FMNL2: variants seen among roughly 807,000 people sequenced by gnomAD.
FMNL2 encodes formin like 2, also known as formin-like protein 2.
FMNL2 carries 51 observed loss-of-function variants against 130.2 expected under a neutral mutation model. The observed-to-expected ratio is 0.39, with a 90% CI of 0.31 to 0.49. The LOEUF is 0.49. Ranked by LOEUF, FMNL2 falls within the 20% of genes least tolerant of loss-of-function variation. The probability of loss-of-function intolerance (pLI) is 0.85; values close to 1 mark genes in which losing one functional copy is unlikely to be tolerated. For synonymous variants in FMNL2, 465 were observed against 467.1 expected (o/e 1.00, Z 0.06); for missense variants, 977 against 1,316.2 (o/e 0.74, Z 3.99).
intron 21 of FMNL2, among the ~76,000 whole-genome samples, chr2:152,634,262 G>A (rs563789635): frequency 3.3e-5 from 5 of 151,936 alleles, no homozygotes; most frequent in African/African-American, 9.6e-5. Flanking sequence ...GCGAAACCCT[G>A]TCTCTACTAA....
chr2:152,549,171 G>T (rs1250291281), intron 4 of FMNL2, 74 bp downstream of exon 4: 6 of 1,024,622 alleles, frequency 5.9e-6, no homozygotes, highest in African/African-American at 4.9e-5. Context: ...CATACCCAAA[G>T]AATTGAGCTT....
At chr2:152,557,816 G>T (rs1695309207) in intron 4 of FMNL2, among the ~76,000 whole-genome samples, 1 of 152,200 alleles carries the variant, frequency 6.6e-6, no homozygotes, top group Admixed American at 6.5e-5. Context: ...TGGAATGCAG[G>T]TGGCAGATGT....
At chr2:152,426,449 T>C (rs1034930359) in intron 1 of FMNL2, among the ~76,000 whole-genome samples, 33 of 152,242 alleles carry the variant, frequency 2.2e-4, no homozygotes, top group Non-Finnish European at 1.3e-4. Context: ...GCAGGAGCCA[T>C]GTGGCAGTGC....
At chr2:152,575,049 T>A in intron 6 of FMNL2, 87 bp from the exon 7 acceptor site, 1 of 681,764 alleles carries the variant, frequency 1.5e-6, no homozygotes, top group East Asian at 2.8e-5. Context: ...GTTTTGGTAC[T>A]GGTGAAGAGT....
chr2:152,478,248 AT>A (rs1690275493), intron 1 of FMNL2, among the ~76,000 whole-genome samples: 2 of 75,772 alleles, frequency 2.6e-5, no homozygotes, highest in Non-Finnish European at 5.6e-5. Flanking sequence ...ATATATATAT[AT>A]ATTTTTTTTT....
At chr2:152,623,406 G>A (rs1681506041) in intron 15 of FMNL2, among the ~76,000 whole-genome samples, 1 of 152,214 alleles carries the variant, frequency 6.6e-6, no homozygotes, top group Non-Finnish European at 1.5e-5. Flanking sequence ...CTGACACTGT[G>A]GCGTAGTGGG....
chr2:152,370,145 G>A (rs983432222), intron 1 of FMNL2, among the ~76,000 whole-genome samples: 7 of 150,448 alleles, frequency 4.7e-5, no homozygotes, highest in Non-Finnish European at 8.9e-5. Flanking sequence ...TAGTGTAGAT[G>A]AAGTGGCTTG....
At chr2:152,390,498 G>T (rs1243702138) in intron 1 of FMNL2, 1 of 1,545,156 alleles carries the variant, frequency 6.5e-7, no homozygotes, top group African/African-American at 1.4e-5. Context: ...TCGCAGCATG[G>T]TGGAAAAGAT....
chr2:152,481,415 A>G (rs1013294106), intron 1 of FMNL2, among the ~76,000 whole-genome samples: 1 of 152,234 alleles, frequency 6.6e-6, no homozygotes. Flanking sequence ...AGCACTTTCA[A>G]CAGCCAAAAA....
chr2:152,448,991 T>C (rs1044162974), intron 1 of FMNL2, among the ~76,000 whole-genome samples: 6 of 152,220 alleles, frequency 3.9e-5, no homozygotes, highest in Non-Finnish European at 8.8e-5. Context: ...AAAGCCATGT[T>C]GAAGCCTCTA....
intron 21 of FMNL2, among the ~76,000 whole-genome samples, chr2:152,633,745 A>G (rs921600518): frequency 1.1e-4 from 17 of 152,228 alleles, no homozygotes; most frequent in African/African-American, 4.1e-4. Flanking sequence ...AATTAAGAAA[A>G]ATGTTAAAAA....
At chr2:152,488,876 G>C (rs1328527769) in intron 1 of FMNL2, among the ~76,000 whole-genome samples, 1 of 152,082 alleles carries the variant, frequency 6.6e-6, no homozygotes, top group Non-Finnish European at 1.5e-5. Flanking sequence ...CTAGGAGTTT[G>C]AGACCAGTCT....
intron 1 of FMNL2, among the ~76,000 whole-genome samples, chr2:152,405,651 A>G (rs1376767873): frequency 6.6e-6 from 1 of 152,164 alleles, no homozygotes; most frequent in Admixed American, 6.5e-5. Flanking sequence ...CTAGAGACCA[A>G]CTGGTCCAAC....
chr2:152,611,651 T>C (rs756500616), intron 11 of FMNL2, 46 bp downstream of exon 11: 3 of 1,246,556 alleles, frequency 2.4e-6, no homozygotes, highest in Non-Finnish European at 2.3e-6. Flanking sequence ...AATTGACTTA[T>C]TATTGCCTGC....
At chr2:152,581,326 C>A (rs970387151) in intron 9 of FMNL2, among the ~76,000 whole-genome samples, 4 of 151,920 alleles carry the variant, frequency 2.6e-5, no homozygotes, top group Admixed American at 1.3e-4. Context: ...GTTTGAAAAC[C>A]GGTTTTGTTA....
At chr2:152,566,161 G>A (rs934941518) in intron 6 of FMNL2, among the ~76,000 whole-genome samples, 6 of 152,162 alleles carry the variant, frequency 3.9e-5, no homozygotes, top group Non-Finnish European at 5.9e-5. Flanking sequence ...GTGGATTTAC[G>A]TGAAGAGATG....
intron 1 of FMNL2, among the ~76,000 whole-genome samples, chr2:152,460,581 C>T (rs1689182691): frequency 1.3e-5 from 2 of 152,208 alleles, no homozygotes; most frequent in Admixed American, 1.3e-4. Context: ...CCCCGGGCCA[C>T]GGACCTGTTA....
intron 25 of FMNL2, among the ~76,000 whole-genome samples, chr2:152,643,176 T>C (rs1034102291): frequency 2.0e-5 from 3 of 152,240 alleles, no homozygotes; most frequent in African/African-American, 7.2e-5. Flanking sequence ...TATCTGTTTA[T>C]AGGGCAGTTT....
intron 23 of FMNL2, 69 bp from the exon 24 acceptor site, chr2:152,639,889 G>C (rs576737693): frequency 1.5e-6 from 2 of 1,366,558 alleles, no homozygotes; most frequent in Admixed American, 5.1e-5. Flanking sequence ...CTTGAAGAAT[G>C]ACTTTAAAAA....
Sources: gnomAD v4.1 joint callset for allele counts (sites outside exome capture counted in the v4.1 genomes callset) on GRCh38, gnomAD v4.1.1 for gene constraint, MANE v1.5 for transcripts, NCBI Gene and HGNC (gene_info 2026-07-23, HGNC 2026-07-21) for gene names.